FBN2: variants seen among roughly 807,000 people sequenced by gnomAD.
FBN2 encodes the protein fibrillin 2.
Under a neutral mutation model 355.6 loss-of-function variants are expected in FBN2, and 105 were observed. The ratio of observed to expected loss-of-function variants is 0.30; its 90% confidence interval spans 0.25 to 0.35. The LOEUF (loss-of-function observed/expected upper bound fraction) is 0.35. Among genes scored for constraint, FBN2 ranks in the 10% least tolerant of loss-of-function variants. The probability of loss-of-function intolerance (pLI) is 1.00; values close to 1 mark genes in which losing one functional copy is unlikely to be tolerated. For missense variants in FBN2, 3,280 were observed against 3,758.7 expected (o/e 0.87, Z 3.33); for synonymous variants, 1,350 against 1,301.2 (o/e 1.04, Z -0.81).
At chr5:128,484,612 T>A (rs957543903) in intron 5 of FBN2, among the ~76,000 whole-genome samples, 1 of 152,234 alleles carries the variant, frequency 6.6e-6, no homozygotes, top group South Asian at 2.1e-4. Flanking sequence ...TTTCATTGGA[T>A]ACCTACCTGA....
chr5:128,369,438 T>C, intron 15 of FBN2, 104 bp from the exon 16 acceptor site: 2 of 1,073,440 alleles, frequency 1.9e-6, no homozygotes, highest in Non-Finnish European at 2.8e-6. Flanking sequence ...CTGGAAGCTT[T>C]TCAAGGGCAT....
intron 7 of FBN2, among the ~76,000 whole-genome samples, chr5:128,441,624 T>C (rs1753923305): frequency 6.6e-6 from 1 of 152,194 alleles, no homozygotes; most frequent in Non-Finnish European, 1.5e-5. Context: ...AATACAGCTT[T>C]TATTAATTTT....
intron 39 of FBN2, among the ~76,000 whole-genome samples, chr5:128,310,388 ATATATATATATATATT>A (rs1327464666): frequency 1.6e-4 from 12 of 74,032 alleles, no homozygotes; most frequent in African/African-American, 6.7e-4. Context: ...ATATATATAT[ATATATATATATATATT>A]TTTTTTTTTT....
Position 128,456,090 on chromosome 5 carries a change from G to A in FBN2, c.826+8634C>T, listed in dbSNP as rs1234202160. On this transcript the variant is annotated intron_variant, in intron 6 of 64. Coordinates refer to ENST00000262464, the MANE Select transcript of FBN2 (RefSeq NM_001999.4). Reference sequence around the variant, plus strand: ...GCTGCATCCATTTCTATAGCTCCCGGCTGTGCTTTTCCCCTGCTGGAGCCA... The same window carrying A: ...GCTGCATCCATTTCTATAGCTCCCGACTGTGCTTTTCCCCTGCTGGAGCCA... 5.4e-5 allele frequency among the ~76,000 whole-genome samples: 8 copies of A among 147,228 alleles called. No homozygotes were observed. The East Asian group carries it at 1.4e-3, about 26-fold the overall frequency.
chr5:128,451,427 C>G (rs1041176418), intron 6 of FBN2, among the ~76,000 whole-genome samples: 1 of 152,028 alleles, frequency 6.6e-6, no homozygotes, highest in Admixed American at 6.5e-5. Context: ...TATTATTATA[C>G]TTGCTCCTGT....
chr5:128,289,643 G>A (rs1420646071), intron 51 of FBN2, among the ~76,000 whole-genome samples: 2 of 152,066 alleles, frequency 1.3e-5, no homozygotes, highest in East Asian at 1.9e-4. Flanking sequence ...TACTGTGTAT[G>A]TCTATTCAAC....
At chr5:128,381,587 T>G (rs1752237226) in intron 11 of FBN2, among the ~76,000 whole-genome samples, 1 of 152,162 alleles carries the variant, frequency 6.6e-6, no homozygotes, top group African/African-American at 2.4e-5. Context: ...AAAAATTGAA[T>G]TAGAGTATAG....
In FBN2 at chr5:128,490,342, G is replaced by A. The variant is rs137865437; in HGVS notation, c.629-25421C>T. ...GAGAACTTCCCCTGGTGTTTCTGCTGAAGACAAAACCAAGACTGTTGGCAT... is the reference window on the plus strand; with the variant it reads ...GAGAACTTCCCCTGGTGTTTCTGCTAAAGACAAAACCAAGACTGTTGGCAT... On this transcript the variant is annotated intron_variant, in intron 5 of 64. Transcript: ENST00000262464. Among the ~76,000 whole-genome samples the A allele has an allele frequency of 1.7e-3, 262 of 152,278 alleles. 1 individual carries two copies. The highest frequency in any genetic ancestry group is 6.0e-3 in the African/African-American group (250 of 41,556).
chr5:128,521,851 T>G (rs1030477507), intron 4 of FBN2, among the ~76,000 whole-genome samples: 2 of 152,190 alleles, frequency 1.3e-5, no homozygotes, highest in Admixed American at 1.3e-4. Context: ...GAGTTTCTCC[T>G]AGAAAGAGCT....
intron 31 of FBN2, among the ~76,000 whole-genome samples, chr5:128,333,236 C>A (rs1467030557): frequency 6.6e-6 from 1 of 152,124 alleles, no homozygotes; most frequent in Non-Finnish European, 1.5e-5. Flanking sequence ...ACAAGTTCTT[C>A]CCTAGAAACA....
chr5:128,511,185 G>A (rs77454708), intron 5 of FBN2, among the ~76,000 whole-genome samples: 2,167 of 152,242 alleles, frequency 0.014, 57 homozygotes, highest in African/African-American at 0.048. Context: ...TAGCAGACAT[G>A]CAGTGAGTTC....
intron 26 of FBN2, among the ~76,000 whole-genome samples, chr5:128,338,633 C>T (rs986289836): frequency 5.3e-5 from 8 of 152,168 alleles, no homozygotes; most frequent in East Asian, 1.9e-4. Flanking sequence ...GGCCACCACA[C>T]GATGCCATGC....
chr5:128,292,353 T>A (rs1386501080), intron 48 of FBN2, among the ~76,000 whole-genome samples: 2 of 27,928 alleles, frequency 7.2e-5, no homozygotes, highest in Non-Finnish European at 1.4e-4. Flanking sequence ...TTTTTCGTCG[T>A]TTTTTTTGTG....
rs758287840 is a variant in FBN2, at chr5:128,519,373, A to G, written c.533-5T>C. On this transcript the variant is annotated splice_polypyrimidine_tract_variant and splice_region_variant and intron_variant, in intron 4 of 64. Coordinates refer to ENST00000262464, the MANE Select transcript of FBN2 (RefSeq NM_001999.4). ...GACATCCATTTTCACAGACAGCTGCATACAAAAATAGCAAGAAGCTCATTA... is the reference window on the plus strand; with the variant it reads ...GACATCCATTTTCACAGACAGCTGCGTACAAAAATAGCAAGAAGCTCATTA... 3.1e-6 allele frequency: 5 copies of G among 1,612,286 alleles called. No homozygotes were observed. Among genetic ancestry groups the G allele is most frequent in the Non-Finnish European group, 4.2e-6 (5 of 1,178,500 alleles).
At chr5:128,331,359 A>C (rs1019355375) in intron 32 of FBN2, among the ~76,000 whole-genome samples, 3 of 152,146 alleles carry the variant, frequency 2.0e-5, no homozygotes. Context: ...TTCCTTGCAG[A>C]GGGACGAGTG....
At chr5:128,407,836 CTGG>C (rs1752969509) in intron 8 of FBN2, among the ~76,000 whole-genome samples, 1 of 152,190 alleles carries the variant, frequency 6.6e-6, no homozygotes, top group African/African-American at 2.4e-5. Flanking sequence ...TACAGAGATC[CTGG>C]CAGTTGGTTG....
At chr5:128,455,928 C>T (rs1446998974) in intron 6 of FBN2, among the ~76,000 whole-genome samples, 3 of 145,028 alleles carry the variant, frequency 2.1e-5, no homozygotes, top group African/African-American at 7.8e-5. Context: ...TTGTGGCGAC[C>T]AGCTCCAGCT....
At chr5:128,471,371 C>T (rs1182508995) in intron 5 of FBN2, among the ~76,000 whole-genome samples, 1 of 151,946 alleles carries the variant, frequency 6.6e-6, no homozygotes, top group East Asian at 1.9e-4. Flanking sequence ...AAAACATTTC[C>T]TTCATTTCAG....
chr5:128,289,131 A>G lies in FBN2; in HGVS notation c.6633T>C (p.Cys2211=), dbSNP rs1464242635. 1.9e-6 allele frequency: 3 copies of G among 1,614,010 alleles called. No homozygotes were observed. The highest frequency in any genetic ancestry group is 2.7e-5 in the African/African-American group (2 of 74,936). Residue 2211 remains cysteine (C), a synonymous_variant, in exon 52 of 65, where the codon TGT becomes TGC. Transcript: ENST00000262464. ...TAATGTGGAGCCAACACTCACCCACACAGCGTACTCCAGTGTAGTCAAGGT... is the reference window on the plus strand; with the variant it reads ...TAATGTGGAGCCAACACTCACCCACGCAGCGTACTCCAGTGTAGTCAAGGT... The part of the protein sequence containing the change: ...GYNLDYTGVR[C]VDTDECSIGN...
Sources: gnomAD v4.1 joint callset for allele counts (sites outside exome capture counted in the v4.1 genomes callset) on GRCh38, gnomAD v4.1.1 for gene constraint, MANE v1.5 for transcripts, NCBI Gene and HGNC (gene_info 2026-07-23, HGNC 2026-07-21) for gene names.